Variants in ZNF714 observed in about 807,000 individuals in gnomAD.
ZNF714 encodes the protein zinc finger protein 714.
A neutral mutation model predicts 46.2 loss-of-function variants in ZNF714; 32 were observed. That is an observed-to-expected ratio of 0.69 (90% CI 0.52 to 0.93). ZNF714 has a LOEUF of 0.93. Ranked by LOEUF, ZNF714 falls within the 40% of genes least tolerant of loss-of-function variation. The pLI is 0.00. For synonymous variants in ZNF714, 199 were observed against 213.1 expected, an observed-to-expected ratio of 0.93 and a Z score of 0.58; for missense variants, 635 against 646.3, an observed-to-expected ratio of 0.98 and a Z score of 0.19.
At position 21,118,173 on chromosome 19, in the gene ZNF714, G is replaced by A. The variant is rs1275548116; in HGVS notation, c.1509G>A (p.Gln503=). ...SSTLTKHRKI[Q]QGMVAHACNP... is the part of the protein sequence containing the mutation. ...CTCTTACTAAACATAGGAAAATTCAGCAGGGCATGGTGGCTCATGCCTGTA... is the reference window on the plus strand; with the variant it reads ...CTCTTACTAAACATAGGAAAATTCAACAGGGCATGGTGGCTCATGCCTGTA... The change falls in exon 5 of 5, where the codon CAG becomes CAA. Residue 503 remains glutamine (Q), a synonymous_variant. Coordinates refer to ENST00000456283, the MANE Select transcript of ZNF714 (RefSeq NM_182515.4). The A allele has an allele frequency of 6.2e-7, 1 of 1,612,628 alleles. No homozygotes were observed. Among genetic ancestry groups the A allele is most frequent in the African/African-American group, 1.3e-5 (1 of 74,984 alleles).
Position 21,120,461 on chromosome 19 carries a change from T to C in ZNF714, c.*2129T>C, listed in dbSNP as rs752605869. ...GGAGAGGTTCTTTGGGGTTAACTTA[T>C]AATATTGAGTGGTGCATGAGGTTGG... On this transcript the variant is annotated 3_prime_UTR_variant, in exon 5 of 5. Coordinates refer to ENST00000456283, the MANE Select transcript of ZNF714 (RefSeq NM_182515.4). The C allele has an allele frequency of 3.3e-5, 5 of 152,318 alleles. No individual in the cohort carries two copies. Among genetic ancestry groups the C allele is most frequent in the African/African-American group, 9.6e-5 (4 of 41,464 alleles). 9.4% of individuals were successfully genotyped at this position (152,318 alleles called of 1,614,324 possible). A position where few individuals can be genotyped will look rare whatever the true frequency, so the allele number is the denominator to read the frequency against.
At chr19:21,115,360 T>C (rs566864996) in intron 4 of ZNF714, among the ~76,000 whole-genome samples, 1 of 152,114 alleles carries the variant, frequency 6.6e-6, no homozygotes, top group Admixed American at 6.5e-5. Context: ...AAATAATGTA[T>C]TTATATGATA....
At chr19:21,109,062 C>A (rs1033211893) in intron 4 of ZNF714, among the ~76,000 whole-genome samples, 2 of 151,258 alleles carry the variant, frequency 1.3e-5, no homozygotes, top group Non-Finnish European at 2.9e-5. Flanking sequence ...ATTATTACCA[C>A]CTCATCCAAT....
chr19:21,108,781 T>G (rs1238378074), intron 4 of ZNF714, among the ~76,000 whole-genome samples: 1 of 152,138 alleles, frequency 6.6e-6, no homozygotes, highest in Non-Finnish European at 1.5e-5. Context: ...AATGTCTGTT[T>G]TCTGTTTTCT....
intron 2 of ZNF714, among the ~76,000 whole-genome samples, chr19:21,090,323 T>C (rs1968880761): frequency 6.6e-6 from 1 of 152,216 alleles, no homozygotes; most frequent in South Asian, 2.1e-4. Context: ...TGGCTGCTTC[T>C]TGGTAGGAAA....
intron 2 of ZNF714, among the ~76,000 whole-genome samples, chr19:21,095,470 A>AT (rs71176809): frequency 0.72 from 107,876 of 148,896 alleles, 41,062 homozygotes; most frequent in Middle Eastern, 0.88. Context: ...TCCATCTTTT[A>AT]TTTTTTTTTT....
intron 2 of ZNF714, among the ~76,000 whole-genome samples, chr19:21,084,407 G>A (rs1272878393): frequency 6.6e-6 from 1 of 151,904 alleles, no homozygotes; most frequent in East Asian, 1.9e-4. Flanking sequence ...CATCAGCAAG[G>A]TTAACTGAGA....
At chr19:21,083,446 A>G (rs1599523675) in intron 1 of ZNF714, among the ~76,000 whole-genome samples, 1 of 152,048 alleles carries the variant, frequency 6.6e-6, no homozygotes, top group African/African-American at 2.4e-5. Flanking sequence ...GCATTTTTCA[A>G]CTGTGTCCCA....
intron 4 of ZNF714, among the ~76,000 whole-genome samples, chr19:21,115,644 G>A (rs927813224): frequency 6.6e-6 from 1 of 151,872 alleles, no homozygotes; most frequent in African/African-American, 2.4e-5. Flanking sequence ...GACTGTGCTT[G>A]TAAATGACAT....
intron 4 of ZNF714, among the ~76,000 whole-genome samples, chr19:21,108,429 A>G (rs1361077134): frequency 6.6e-6 from 1 of 152,162 alleles, no homozygotes; most frequent in Non-Finnish European, 1.5e-5. Flanking sequence ...TAGATGTGAA[A>G]CCTGGTGGGA....
intron 1 of ZNF714, among the ~76,000 whole-genome samples, chr19:21,083,068 G>A (rs1230224797): frequency 6.7e-6 from 1 of 150,070 alleles, no homozygotes; most frequent in Non-Finnish European, 1.5e-5. Context: ...ATGGAGTTTC[G>A]CTCTTGTTGC....
At chr19:21,113,013 G>A (rs1453280187) in intron 4 of ZNF714, 1 of 151,108 alleles carries the variant, frequency 6.6e-6, no homozygotes, top group Non-Finnish European at 1.5e-5. Context: ...TAGTAGACAT[G>A]GTGTGTTTCA....
At chr19:21,104,037 A>C (rs145253201) in intron 4 of ZNF714, among the ~76,000 whole-genome samples, 3 of 152,096 alleles carry the variant, frequency 2.0e-5, no homozygotes, top group Non-Finnish European at 4.4e-5. Flanking sequence ...GCGGCCCTTG[A>C]CAAACACCGT....
chr19:21,088,313 GATA>G (rs1426291556), intron 2 of ZNF714, among the ~76,000 whole-genome samples: 1 of 152,030 alleles, frequency 6.6e-6, no homozygotes, highest in Non-Finnish European at 1.5e-5. Context: ...TTTATTTTAG[GATA>G]ATAATTTACT....
At chr19:21,094,423 A>G (rs903304555) in intron 2 of ZNF714, among the ~76,000 whole-genome samples, 15 of 152,224 alleles carry the variant, frequency 9.9e-5, no homozygotes, top group African/African-American at 3.6e-4. Context: ...TTCTGTTTTC[A>G]GTTCTGTGAG....
chr19:21,110,231 TA>T (rs1969419869), intron 4 of ZNF714, among the ~76,000 whole-genome samples: 1 of 152,272 alleles, frequency 6.6e-6, no homozygotes, highest in Admixed American at 6.5e-5. Flanking sequence ...AAAGCATTTC[TA>T]TTTCTCCATA....
intron 4 of ZNF714, among the ~76,000 whole-genome samples, chr19:21,105,286 G>A (rs1332054093): frequency 1.3e-5 from 2 of 151,744 alleles, no homozygotes; most frequent in Admixed American, 6.6e-5. Context: ...CTCTCAAAGT[G>A]CTGGGATTAC....
Position 21,109,131 on chromosome 19 carries a change from TTGACTTAA to T in ZNF714, c.143-7673_143-7666del, listed in dbSNP as rs1402472198. ...TTCCATTCTGTTACTTTCAACCTATTTGACTTAATGCTAAAATGAGTCTCTTATAGACA... is the reference window on the plus strand; with the variant it reads ...TTCCATTCTGTTACTTTCAACCTATTTGCTAAAATGAGTCTCTTATAGACA... On this transcript the variant is annotated intron_variant, in intron 4 of 4. Coordinates refer to ENST00000456283, the MANE Select transcript of ZNF714 (RefSeq NM_182515.4). Among the ~76,000 whole-genome samples the T allele has an allele frequency of 2.3e-4, 35 of 152,362 alleles. No individual in the cohort carries two copies. The South Asian group carries it at 4.6e-3, about 20-fold the overall frequency.
Position 21,121,004 on chromosome 19 carries a change from C to A in ZNF714, c.*2672C>A, listed in dbSNP as rs1376668596. 6.6e-6 allele frequency: 1 copy of A among 152,134 alleles called. No homozygotes were observed. The highest frequency in any genetic ancestry group is 1.5e-5 in the Non-Finnish European group (1 of 68,026). The allele number at this position is 152,134 out of a possible 1,614,324, so 9.4% of individuals were successfully genotyped here. ...ATTTCTCCTTTGTTTTACAAACAAT[C>A]CAAACCTACACTTTTTAAAAATTTT... On this transcript the variant is annotated 3_prime_UTR_variant, in exon 5 of 5. Coordinates refer to ENST00000456283, the MANE Select transcript of ZNF714 (RefSeq NM_182515.4).
Sources: gnomAD v4.1 joint callset for allele counts (sites outside exome capture counted in the v4.1 genomes callset) on GRCh38, gnomAD v4.1.1 for gene constraint, MANE v1.5 for transcripts, NCBI Gene and HGNC (gene_info 2026-07-23, HGNC 2026-07-21) for gene names.